Variants in PPP1R13B observed in about 807,000 individuals in gnomAD.
PPP1R13B encodes protein phosphatase 1 regulatory subunit 13B.
PPP1R13B carries 44 observed loss-of-function variants against 119.8 expected under a neutral mutation model. The observed-to-expected ratio is 0.37, with a 90% confidence interval of 0.29 to 0.47. The LOEUF (loss-of-function observed/expected upper bound fraction) is 0.47. Among genes scored for constraint, PPP1R13B ranks in the 20% least tolerant of loss-of-function variants. The probability of loss-of-function intolerance (pLI) is 0.99; values close to 1 mark genes in which losing one functional copy is unlikely to be tolerated. For missense variants in PPP1R13B, 1,227 were observed against 1,413.5 expected (o/e 0.87, Z 2.12); for synonymous variants, 542 against 561.5 (o/e 0.97, Z 0.49).
rs745982706 is a variant in PPP1R13B at position 103,737,872 on chromosome 14, C to T, written c.2865-12G>A. On this transcript the variant is annotated splice_polypyrimidine_tract_variant and intron_variant, in intron 14 of 16. Transcript: ENST00000202556. Reference sequence around the variant, plus strand: ...AGTGCAGCGGCGTCCTGGAATAGAGCGTGGGTGAAGGTGCAGGCCTGGCAC... The same window carrying T: ...AGTGCAGCGGCGTCCTGGAATAGAGTGTGGGTGAAGGTGCAGGCCTGGCAC... 6.8e-6 allele frequency: 11 copies of T among 1,610,486 alleles called. No individual in the cohort carries two copies. Among genetic ancestry groups the T allele is most frequent in the East Asian group, 6.7e-5 (3 of 44,824 alleles).
chr14:103,746,653 CAGT>C, intron 8 of PPP1R13B, 100 bp from the exon 9 acceptor site: 2 of 1,116,192 alleles, frequency 1.8e-6, no homozygotes, highest in Non-Finnish European at 2.5e-6. Flanking sequence ...AGCACTCACT[CAGT>C]GGTTGGTTTT....
At position 103,746,440 on chromosome 14, in the gene PPP1R13B, C is replaced by T. The variant is rs779550510; in HGVS notation, c.1083G>A (p.Leu361=). Residue 361 remains leucine, a synonymous_variant, in exon 9 of 17, where the codon CTG becomes CTA. Transcript: ENST00000202556. ...QVPSAGSFPV[L]GDPIKPQSLS... ...GAGACTGGGGCTTTATAGGGTCCCC[C>T]AGCACAGGAAAGCTTCCGGCACTGG... 1 of 1,614,120 alleles carries T rather than the reference C, an allele frequency of 6.2e-7. No homozygotes were observed. The highest frequency in any genetic ancestry group is 8.5e-7 in the Non-Finnish European group (1 of 1,179,990).
At chr14:103,812,782 GA>G (rs2086192073) in intron 1 of PPP1R13B, among the ~76,000 whole-genome samples, 1 of 152,138 alleles carries the variant, frequency 6.6e-6, no homozygotes, top group African/African-American at 2.4e-5. Context: ...CATACAAATG[GA>G]AAAATAAACA....
intron 2 of PPP1R13B, among the ~76,000 whole-genome samples, chr14:103,794,955 T>G (rs777771013): frequency 4.1e-4 from 62 of 151,298 alleles, no homozygotes; most frequent in Non-Finnish European, 7.5e-4. Context: ...TGTTTGTTTG[T>G]TTTTTTTTGA....
In PPP1R13B at chr14:103,777,800, T is replaced by TAAAA. The variant is rs10658393; in HGVS notation, c.354+941_354+944dup. The stretch of plus-strand genomic sequence containing the variant: ...CTCATTACTACCGGTAAAAAGCAAT[T>TAAAA]AAAAAAAAAAAAAAAACAGGGTCTT... On this transcript the variant is annotated intron_variant, in intron 4 of 16. Coordinates refer to ENST00000202556, the MANE Select transcript of PPP1R13B (RefSeq NM_015316.3). Among the ~76,000 whole-genome samples, 14 of 141,042 alleles carry TAAAA rather than the reference T, an allele frequency of 9.9e-5. No individual in the cohort carries two copies. The South Asian group carries it at 1.8e-3, about 19-fold the overall frequency. The allele number at this position is 141,042 out of a possible 152,430, so 92.5% of individuals were successfully genotyped here. A position where few individuals can be genotyped will look rare whatever the true frequency, so the allele number is the denominator to read the frequency against.
chr14:103,758,990 G>A (rs2151988635), intron 4 of PPP1R13B, among the ~76,000 whole-genome samples: 1 of 147,686 alleles, frequency 6.8e-6, no homozygotes, highest in African/African-American at 2.5e-5. Context: ...ACGGAGTCTC[G>A]CTCTGTCACC....
intron 2 of PPP1R13B, 146 bp downstream of exon 2, chr14:103,797,225 C>T: frequency 1.5e-6 from 1 of 670,378 alleles, no homozygotes; most frequent in Non-Finnish European, 2.4e-6. Context: ...GCAATATTTT[C>T]CATTTGATAA....
chr14:103,823,338 C>CA (rs1204997162), intron 1 of PPP1R13B, among the ~76,000 whole-genome samples: 14 of 133,156 alleles, frequency 1.1e-4, no homozygotes, highest in East Asian at 7.3e-4. Context: ...GACTCTGTCT[C>CA]AAAAAAAAGA....
chr14:103,848,247 G>T (rs1367064925), upstream of PPP1R13B: 2 of 985,098 alleles, frequency 2.0e-6, no homozygotes, highest in African/African-American at 3.5e-5. Context: ...AGAACCCCGC[G>T]CCCACCTGTG....
At chr14:103,758,196 A>T (rs2084722060) in intron 4 of PPP1R13B, among the ~76,000 whole-genome samples, 1 of 152,250 alleles carries the variant, frequency 6.6e-6, no homozygotes, top group Non-Finnish European at 1.5e-5. Flanking sequence ...TAATATATGA[A>T]TAACTCACTA....
chr14:103,739,687 C>T lies in PPP1R13B; in HGVS notation c.2592+137G>A. ...CCATTTGTCTGTGTGACTGTCCGTC[C>T]TCCCTACAAGACGTAACTCAGGGAC... On this transcript the variant is annotated intron_variant, in intron 12 of 16. Transcript: ENST00000202556. 3.7e-6 allele frequency: 4 copies of T among 1,073,750 alleles called. No homozygotes were observed. The South Asian group carries it at 7.1e-5, about 19-fold the overall frequency. The allele number at this position is 1,073,750 out of a possible 1,614,324, so 66.5% of individuals were successfully genotyped here.
intron 4 of PPP1R13B, among the ~76,000 whole-genome samples, chr14:103,760,735 C>T (rs1393782961): frequency 2.0e-5 from 3 of 152,192 alleles, no homozygotes; most frequent in African/African-American, 4.8e-5. Flanking sequence ...TCCAGCCTCA[C>T]GGCAACATCA....
At chr14:103,771,694 T>C (rs914106060) in intron 4 of PPP1R13B, among the ~76,000 whole-genome samples, 1 of 152,118 alleles carries the variant, frequency 6.6e-6, no homozygotes, top group Admixed American at 6.5e-5. Context: ...TTGGCCAGGC[T>C]AGTCTAGAAC....
At chr14:103,810,130 A>T (rs2086115959) in intron 1 of PPP1R13B, among the ~76,000 whole-genome samples, 1 of 151,954 alleles carries the variant, frequency 6.6e-6, no homozygotes, top group Admixed American at 6.6e-5. Flanking sequence ...AGCTGTCTCA[A>T]AATTTTAAAA....
At chr14:103,764,888 G>A (rs2084902454) in intron 4 of PPP1R13B, among the ~76,000 whole-genome samples, 1 of 151,968 alleles carries the variant, frequency 6.6e-6, no homozygotes, top group African/African-American at 2.4e-5. Flanking sequence ...GGCGGATCTC[G>A]GCTCACTGCA....
At chr14:103,826,090 T>C (rs1203781617) in intron 1 of PPP1R13B, among the ~76,000 whole-genome samples, 3 of 152,142 alleles carry the variant, frequency 2.0e-5, no homozygotes, top group Non-Finnish European at 4.4e-5. Flanking sequence ...TTGGTCAGGC[T>C]TGTCTCAAAC....
intron 1 of PPP1R13B, among the ~76,000 whole-genome samples, chr14:103,819,507 ACAAACAAAC>A (rs1567148636): frequency 3.4e-5 from 5 of 145,990 alleles, no homozygotes; most frequent in Non-Finnish European, 4.5e-5. Context: ...ATTAAAAAAA[ACAAACAAAC>A]AAAAAAAAAC....
At chr14:103,752,255 G>A (rs749304888) in intron 7 of PPP1R13B, among the ~76,000 whole-genome samples, 13 of 152,038 alleles carry the variant, frequency 8.6e-5, no homozygotes, top group South Asian at 4.1e-4. Context: ...TTAGATTATC[G>A]GATTAAGGAT....
At chr14:103,821,953 G>C (rs1595822971) in intron 1 of PPP1R13B, among the ~76,000 whole-genome samples, 1 of 152,140 alleles carries the variant, frequency 6.6e-6, no homozygotes, top group East Asian at 1.9e-4. Context: ...ATAAAATTAA[G>C]AACTAAATAT....
Sources: gnomAD v4.1 joint callset for allele counts (sites outside exome capture counted in the v4.1 genomes callset) on GRCh38, gnomAD v4.1.1 for gene constraint, MANE v1.5 for transcripts, NCBI Gene and HGNC (gene_info 2026-07-23, HGNC 2026-07-21) for gene names.